The following CFAP299 variants were observed in gnomAD, a reference collection of about 807,000 sequenced individuals.
CFAP299 encodes the protein cilia and flagella associated protein 299.
Under a neutral mutation model 27.0 loss-of-function variants are expected in CFAP299, and 21 were observed. That is an observed-to-expected ratio of 0.78 (90% CI 0.55 to 1.12). The LOEUF is 1.12. Ranked by LOEUF, CFAP299 falls within the 50% of genes most tolerant of loss-of-function variation. CFAP299 has a pLI of 0.00. For missense variants in CFAP299, 310 were observed against 276.6 expected (o/e 1.12, Z -0.86); for synonymous variants, 104 against 98.1 (o/e 1.06, Z -0.36).
intron 1 of CFAP299, among the ~76,000 whole-genome samples, chr4:80,348,078 G>T (rs2109979763): frequency 6.6e-6 from 1 of 152,282 alleles, no homozygotes; most frequent in South Asian, 2.1e-4. Flanking sequence ...GGCGTTGGGA[G>T]AACTGGTTAG....
intron 4 of CFAP299, among the ~76,000 whole-genome samples, chr4:80,937,668 T>A (rs181812260): frequency 7.9e-5 from 12 of 152,284 alleles, no homozygotes; most frequent in Admixed American, 2.0e-4. Flanking sequence ...GGATCTTTTT[T>A]ATTACAAAAT....
intron 2 of CFAP299, among the ~76,000 whole-genome samples, chr4:80,401,525 G>A (rs966646155): frequency 3.9e-5 from 6 of 152,238 alleles, no homozygotes; most frequent in Admixed American, 3.3e-4. Context: ...TGTTGAGCCT[G>A]TGGGTATACA....
At chr4:80,572,281 T>G (rs115421893) in intron 2 of CFAP299, among the ~76,000 whole-genome samples, 2,057 of 150,450 alleles carry the variant, frequency 0.014, 43 homozygotes, top group African/African-American at 0.048. Context: ...ATTCATTCTG[T>G]TTTTTTTTGA....
At chr4:80,727,315 A>C (rs1283111453) in intron 3 of CFAP299, among the ~76,000 whole-genome samples, 1 of 152,050 alleles carries the variant, frequency 6.6e-6, no homozygotes, top group African/African-American at 2.4e-5. Flanking sequence ...TTACAATATT[A>C]CTATTATAAT....
chr4:80,510,404 A>T, intron 2 of CFAP299, among the ~76,000 whole-genome samples: 1 of 152,124 alleles, frequency 6.6e-6, no homozygotes, highest in East Asian at 1.9e-4. Flanking sequence ...TACAGAAGTA[A>T]AAAGTGGATT....
chr4:80,347,083 T>C (rs1378751234), intron 1 of CFAP299, among the ~76,000 whole-genome samples: 1 of 152,188 alleles, frequency 6.6e-6, no homozygotes, highest in Non-Finnish European at 1.5e-5. Flanking sequence ...TTGTCTGTTA[T>C]TGGTGTTTAG....
intron 3 of CFAP299, among the ~76,000 whole-genome samples, chr4:80,798,062 C>A (rs563434697): frequency 6.6e-6 from 1 of 152,212 alleles, no homozygotes; most frequent in South Asian, 2.1e-4. Flanking sequence ...CCTTAATATC[C>A]ATTTCCATGC....
At chr4:80,927,938 G>T (rs556367564) in intron 4 of CFAP299, among the ~76,000 whole-genome samples, 1 of 152,228 alleles carries the variant, frequency 6.6e-6, no homozygotes, top group East Asian at 1.9e-4. Context: ...GATCACAGGT[G>T]ATATTTTCAA....
At chr4:80,495,147 G>A (rs1237241504) in intron 2 of CFAP299, among the ~76,000 whole-genome samples, 1 of 152,124 alleles carries the variant, frequency 6.6e-6, no homozygotes, top group African/African-American at 2.4e-5. Flanking sequence ...TGTGGATTTG[G>A]TGTTTCTCCA....
intron 2 of CFAP299, among the ~76,000 whole-genome samples, chr4:80,531,614 T>C (rs543561345): frequency 1.3e-5 from 2 of 152,294 alleles, no homozygotes; most frequent in East Asian, 3.9e-4. Context: ...TCAATATCCA[T>C]TATGCCCTTT....
At chr4:80,658,586 A>C (rs1185729403) in intron 3 of CFAP299, among the ~76,000 whole-genome samples, 1 of 151,982 alleles carries the variant, frequency 6.6e-6, no homozygotes, top group Non-Finnish European at 1.5e-5. Flanking sequence ...CAAAAGCTTA[A>C]ACCAGGAAAA....
intron 2 of CFAP299, among the ~76,000 whole-genome samples, chr4:80,373,140 T>TTGCATAGACACAGTGGACCTAACCCC (rs1724229823): frequency 6.6e-6 from 1 of 151,934 alleles, no homozygotes; most frequent in Non-Finnish European, 1.5e-5. Flanking sequence ...GACCTAACCC[T>TTGCATAGACACAGTGGACCTAACCCC]TGCATAGACA....
chr4:80,543,015 C>A (rs1225841362), intron 2 of CFAP299, among the ~76,000 whole-genome samples: 2 of 152,176 alleles, frequency 1.3e-5, no homozygotes, highest in Admixed American at 6.5e-5. Flanking sequence ...CCAGCCAGGG[C>A]TCAACCTCAA....
chr4:80,882,357 G>A (rs1242862230), intron 4 of CFAP299, among the ~76,000 whole-genome samples: 1 of 152,296 alleles, frequency 6.6e-6, no homozygotes, highest in Non-Finnish European at 1.5e-5. Flanking sequence ...TGGTAAGTAA[G>A]GCCGGGCGCA....
intron 3 of CFAP299, among the ~76,000 whole-genome samples, chr4:80,828,295 T>G (rs1730099891): frequency 6.6e-6 from 1 of 151,916 alleles, no homozygotes; most frequent in Non-Finnish European, 1.5e-5. Context: ...CAAAACTTAC[T>G]AAAAAGCTAT....
chr4:80,725,058 C>A (rs1165077465), intron 3 of CFAP299, among the ~76,000 whole-genome samples: 2 of 151,142 alleles, frequency 1.3e-5, no homozygotes, highest in Non-Finnish European at 2.9e-5. Context: ...GATTGTCCTG[C>A]CTCAGCCTCC....
chr4:80,327,712 A>ATATATG, the CFAP299 span, among the ~76,000 whole-genome samples: 1 of 137,270 alleles, frequency 7.3e-6, no homozygotes, highest in Admixed American at 7.1e-5. Flanking sequence ...ATATATATAT[A>ATATATG]TATATATATA....
Position 80,466,340 on chromosome 4 carries a change from C to A in CFAP299, c.242+103456C>A, listed in dbSNP as rs536384454. On this transcript the variant is annotated intron_variant, in intron 2 of 5. Transcript: ENST00000358105. ...ATAACACTCTAAGTATTCATTGTTA[C>A]TTTATTTTAACCCAAAGAACTGATT... Among the ~76,000 whole-genome samples the A allele has an allele frequency of 5.0e-4, 76 of 152,178 alleles. 1 individual carries two copies. The highest frequency in any genetic ancestry group is 1.8e-3 in the African/African-American group (73 of 41,522).
chr4:80,753,469 T>C (rs183203617), intron 3 of CFAP299, among the ~76,000 whole-genome samples: 1 of 152,250 alleles, frequency 6.6e-6, no homozygotes, highest in African/African-American at 2.4e-5. Context: ...TGGTTTTTTG[T>C]TTGTTTTGTT....
Sources: allele counts gnomAD v4.1 joint callset (sites outside exome capture counted in the v4.1 genomes callset), GRCh38; gene constraint gnomAD v4.1.1; transcripts MANE v1.5; gene names NCBI Gene and HGNC (gene_info 2026-07-23, HGNC 2026-07-21).